The following EYS variants were observed in gnomAD, a reference collection of about 807,000 sequenced individuals.
The protein encoded by EYS is EGF-like photoreceptor maintenance factor.
Under a neutral mutation model 282.1 loss-of-function variants are expected in EYS, and 250 were observed. The ratio of observed to expected loss-of-function variants is 0.89; its 90% CI spans 0.80 to 0.98. The LOEUF is 0.98. EYS is among the 50% of genes least tolerant of loss of function. EYS has a pLI of 0.00. For synonymous variants in EYS, 1,355 were observed against 1,282.9 expected, an observed-to-expected ratio of 1.06 and a Z score of -1.20; for missense variants, 4,016 against 3,709.0, an observed-to-expected ratio of 1.08 and a Z score of -2.15.
intron 33 of EYS, among the ~76,000 whole-genome samples, chr6:64,007,239 C>T (rs916799916): frequency 3.3e-5 from 5 of 151,954 alleles, no homozygotes; most frequent in Admixed American, 2.0e-4. Context: ...TATGTGTATC[C>T]AGGAATTTAT....
chr6:64,221,907 C>T (rs999881201), intron 31 of EYS, among the ~76,000 whole-genome samples: 9 of 152,006 alleles, frequency 5.9e-5, no homozygotes, highest in Non-Finnish European at 1.0e-4. Flanking sequence ...CACTGCGGGA[C>T]GGTCTTAGAA....
chr6:65,250,180 C>A (rs2150282375), intron 12 of EYS, among the ~76,000 whole-genome samples: 1 of 152,072 alleles, frequency 6.6e-6, no homozygotes, highest in Middle Eastern at 3.4e-3. Flanking sequence ...ACCATAGTTG[C>A]TTTCGGTTAA....
chr6:65,151,218 C>T (rs906926870), intron 12 of EYS, among the ~76,000 whole-genome samples: 3 of 152,028 alleles, frequency 2.0e-5, no homozygotes, highest in South Asian at 4.2e-4. Flanking sequence ...AAAAATGCTC[C>T]AAGCATCAGA....
At chr6:64,769,475 T>C (rs560657168) in intron 22 of EYS, among the ~76,000 whole-genome samples, 7 of 152,166 alleles carry the variant, frequency 4.6e-5, no homozygotes, top group African/African-American at 1.7e-4. Context: ...TGCTTTCCCA[T>C]TACGCTATGT....
At chr6:64,600,078 A>G (rs1252911441) in intron 24 of EYS, among the ~76,000 whole-genome samples, 2 of 152,092 alleles carry the variant, frequency 1.3e-5, no homozygotes, top group Non-Finnish European at 2.9e-5. Flanking sequence ...TATTTTCTAC[A>G]AGAAATAAGG....
At chr6:63,936,667 CT>C (rs1440285399) in intron 35 of EYS, among the ~76,000 whole-genome samples, 1 of 152,166 alleles carries the variant, frequency 6.6e-6, no homozygotes, top group Non-Finnish European at 1.5e-5. Flanking sequence ...TAACTGGGAG[CT>C]TTTTATATGC....
chr6:64,970,824 G>A (rs148847687), intron 14 of EYS, among the ~76,000 whole-genome samples: 184 of 152,240 alleles, frequency 1.2e-3, no homozygotes, highest in African/African-American at 4.3e-3. Context: ...AATGAGGTCT[G>A]CAGTTGCTGC....
intron 12 of EYS, among the ~76,000 whole-genome samples, chr6:65,173,577 T>C (rs1397047773): frequency 6.6e-6 from 1 of 151,146 alleles, no homozygotes. Context: ...GAGAAGGCAA[T>C]GATGGGATTA....
intron 2 of EYS, among the ~76,000 whole-genome samples, chr6:65,512,001 A>C (rs1409868128): frequency 3.6e-5 from 5 of 139,384 alleles, no homozygotes; most frequent in Admixed American, 1.4e-4. Context: ...AAAAAAAAAA[A>C]AAAAAAAGAA....
At chr6:65,281,779 G>C (rs937625472) in intron 12 of EYS, among the ~76,000 whole-genome samples, 3 of 152,058 alleles carry the variant, frequency 2.0e-5, no homozygotes, top group African/African-American at 7.2e-5. Context: ...GCTCATAACA[G>C]ATGAACCAGG....
chr6:65,406,270 A>C (rs1168178617), intron 5 of EYS, among the ~76,000 whole-genome samples: 1 of 152,114 alleles, frequency 6.6e-6, no homozygotes, highest in Non-Finnish European at 1.5e-5. Flanking sequence ...TTGTGTTATC[A>C]GCTTTCTTAT....
At chr6:64,715,348 C>T (rs1396189547) in intron 22 of EYS, among the ~76,000 whole-genome samples, 4 of 152,086 alleles carry the variant, frequency 2.6e-5, no homozygotes, top group South Asian at 2.1e-4. Context: ...TGCAGAAAAC[C>T]GTGCTTCACA....
intron 26 of EYS, among the ~76,000 whole-genome samples, chr6:64,539,054 G>T (rs1156725410): frequency 6.6e-6 from 1 of 152,124 alleles, no homozygotes; most frequent in African/African-American, 2.4e-5. Context: ...TACAGTAATT[G>T]TCTTTTGTGA....
intron 2 of EYS, among the ~76,000 whole-genome samples, chr6:65,583,018 G>A (rs563230483): frequency 5.3e-5 from 8 of 151,938 alleles, no homozygotes; most frequent in Middle Eastern, 3.4e-3. Flanking sequence ...AATGGCAAGC[G>A]GATTGTAATA....
rs545187305 is a variant in EYS at position 65,294,918 on chromosome 6, C to T, written c.2023+945G>A. ...TTTAGCAAGCTTACCAGAATTTTTGCGCTCAAATTTATTTTTGCCTTAAAA... is the reference window on the plus strand; with the variant it reads ...TTTAGCAAGCTTACCAGAATTTTTGTGCTCAAATTTATTTTTGCCTTAAAA... On this transcript the variant is annotated intron_variant, in intron 12 of 42. Transcript: ENST00000503581. Among the ~76,000 whole-genome samples, 384 of 151,912 alleles carry T rather than the reference C, an allele frequency of 2.5e-3. 2 individuals are homozygous for T. Among genetic ancestry groups the T allele is most frequent in the South Asian group, 0.021 (101 of 4,824 alleles).
intron 18 of EYS, among the ~76,000 whole-genome samples, chr6:64,900,233 A>G (rs1375256943): frequency 6.6e-6 from 1 of 152,230 alleles, no homozygotes; most frequent in African/African-American, 2.4e-5. Flanking sequence ...AATTAACTCA[A>G]GATGGATTAA....
At chr6:65,366,385 T>G (rs1764913790) in intron 8 of EYS, among the ~76,000 whole-genome samples, 1 of 135,470 alleles carries the variant, frequency 7.4e-6, no homozygotes, top group Non-Finnish European at 1.6e-5. Context: ...TGCTTTTGGT[T>G]TTTCCTGATC....
At chr6:64,251,576 TA>T in intron 30 of EYS, among the ~76,000 whole-genome samples, 1 of 152,308 alleles carries the variant, frequency 6.6e-6, no homozygotes, top group East Asian at 1.9e-4. Flanking sequence ...TTCTATTAAA[TA>T]AAAGCAAGCA....
intron 29 of EYS, among the ~76,000 whole-genome samples, chr6:64,312,584 A>G (rs1341599685): frequency 6.6e-6 from 1 of 152,180 alleles, no homozygotes; most frequent in Non-Finnish European, 1.5e-5. Flanking sequence ...TATCCTGACT[A>G]GGAGACATCT....
Sources: allele counts gnomAD v4.1 joint callset (sites outside exome capture counted in the v4.1 genomes callset), GRCh38; gene constraint gnomAD v4.1.1; transcripts MANE v1.5; gene names NCBI Gene and HGNC (gene_info 2026-07-23, HGNC 2026-07-21).